Variants in VPS45 observed in about 807,000 individuals in gnomAD.
The protein encoded by VPS45 is vacuolar protein sorting 45 homolog.
VPS45 carries 35 observed loss-of-function variants against 75.9 expected under a neutral mutation model. The observed-to-expected ratio is 0.46, with a 90% CI of 0.35 to 0.61. The LOEUF (loss-of-function observed/expected upper bound fraction) is 0.61, where lower values mean the gene tolerates loss of function less well. VPS45 is among the 20% of genes least tolerant of loss of function. The pLI is 0.00. For synonymous variants in VPS45, 220 were observed against 238.2 expected (o/e 0.92, Z 0.70); for missense variants, 559 against 685.9 (o/e 0.81, Z 2.07).
rs587647825 is a variant in VPS45, at chr1:150,078,619, G to A, written c.687+840G>A. Among the ~76,000 whole-genome samples, 39 of 151,904 alleles carry A rather than the reference G, an allele frequency of 2.6e-4. No individual in the cohort carries two copies. The East Asian group carries it at 3.9e-3, about 15-fold the overall frequency. On this transcript the variant is annotated intron_variant, in intron 7 of 14. Coordinates refer to ENST00000644510, the MANE Select transcript of VPS45 (RefSeq NM_007259.5). ...TACTAAAACTACAAAAAAATTAGCC[G>A]GGTGTGGTTGCACACACCTGTAGTC... is the stretch of plus-strand genomic sequence containing the variant.
chr1:150,145,162 T>C lies in VPS45; in HGVS notation c.*366T>C, dbSNP rs782262151. ...CTCCTTGGCTTCCTTTCTCTTCCCT[T>C]AACCCTTTCTGCTTTTCATTAACCA... On this transcript the variant is annotated 3_prime_UTR_variant, in exon 15 of 15. Transcript: ENST00000644510. The C allele has an allele frequency of 4.5e-5, 19 of 424,474 alleles. 1 individual carries two copies. In the South Asian group the frequency reaches 8.5e-4, roughly 19 times the overall value. The allele number at this position is 424,474 out of a possible 1,614,324, so 26.3% of individuals were successfully genotyped here. A position where few individuals can be genotyped will look rare whatever the true frequency, so the allele number is the denominator to read the frequency against.
chr1:150,139,970 T>C (rs1398249652), intron 14 of VPS45, among the ~76,000 whole-genome samples: 2 of 152,158 alleles, frequency 1.3e-5, no homozygotes, highest in Non-Finnish European at 2.9e-5. Flanking sequence ...CTCAGCTCAC[T>C]GTAACCTCCG....
In VPS45 at chr1:150,110,582, G is replaced by A. The variant is rs1657594077; in HGVS notation, c.1580G>A (p.Gly527Glu). ...TVYNLNRTTPGVRIVLGGTTV... is the reference protein window; with the variant it reads ...TVYNLNRTTPEVRIVLGGTTV... ...TATAACCTGAACCGCACCACTCCTGGAGTGAGGATTGTCCTGGGAGGCACC... is the reference window on the plus strand; with the variant it reads ...TATAACCTGAACCGCACCACTCCTGAAGTGAGGATTGTCCTGGGAGGCACC... Residue 527 changes from glycine to glutamate, a missense_variant, in exon 14 of 15, where the codon GGA becomes GAA. By Grantham distance (98) the Gly-to-Glu change is moderately conservative (BLOSUM62 -2). Coordinates refer to ENST00000644510, the MANE Select transcript of VPS45 (RefSeq NM_007259.5). 4 of 1,613,674 alleles carry A rather than the reference G, an allele frequency of 2.5e-6. No homozygotes were observed. Among genetic ancestry groups the A allele is most frequent in the African/African-American group, 1.3e-5 (1 of 74,890 alleles).
intron 14 of VPS45, among the ~76,000 whole-genome samples, chr1:150,124,496 A>C (rs1479219034): frequency 6.6e-6 from 1 of 151,634 alleles, no homozygotes; most frequent in Non-Finnish European, 1.5e-5. Context: ...AAAATCATTC[A>C]TAATACCACA....
chr1:150,093,438 G>T, intron 12 of VPS45, 89 bp from the exon 13 acceptor site: 1 of 1,440,132 alleles, frequency 6.9e-7, no homozygotes, highest in African/African-American at 1.4e-5. Flanking sequence ...TCTCTATTGA[G>T]TGTATGTCCT....
intron 2 of VPS45, among the ~76,000 whole-genome samples, chr1:150,070,646 A>AAC (rs1553796862): frequency 1.6e-4 from 23 of 148,186 alleles, no homozygotes; most frequent in South Asian, 2.2e-4. Flanking sequence ...CAAAAAAAAA[A>AAC]AACAACAAAA....
At chr1:150,071,177 C>T (rs181475806) in intron 2 of VPS45, among the ~76,000 whole-genome samples, 9 of 152,030 alleles carry the variant, frequency 5.9e-5, no homozygotes, top group East Asian at 5.8e-4. Context: ...GTTTAGGGAA[C>T]AATTTATATT....
chr1:150,121,354 T>C (rs1387249376), intron 14 of VPS45, among the ~76,000 whole-genome samples: 1 of 152,188 alleles, frequency 6.6e-6, no homozygotes, highest in African/African-American at 2.4e-5. Context: ...TGTTGTGCTT[T>C]TTTGAAGGCA....
At chr1:150,092,655 A>T in intron 12 of VPS45, 1 of 272,622 alleles carries the variant, frequency 3.7e-6, no homozygotes, top group Non-Finnish European at 6.8e-6. Context: ...CCAGGAAATA[A>T]GAAGAAAAAG....
At chr1:150,121,294 C>G (rs1324326696) in intron 14 of VPS45, among the ~76,000 whole-genome samples, 3 of 152,178 alleles carry the variant, frequency 2.0e-5, no homozygotes, top group Middle Eastern at 3.4e-3. Flanking sequence ...ATGAAATACA[C>G]AGAAATAAAA....
At chr1:150,099,255 G>C (rs1042733669) in intron 13 of VPS45, among the ~76,000 whole-genome samples, 1 of 152,070 alleles carries the variant, frequency 6.6e-6, no homozygotes. Flanking sequence ...CCAGCACTTT[G>C]GGAGGCTGAG....
Position 150,140,831 on chromosome 1 carries a change from G to T in VPS45, c.1626-3878G>T, listed in dbSNP as rs1659357279. Reference sequence around the variant, plus strand: ...ATACAGACAAATAAATTACAACACAGTATATTTACAAGATATGGAAGAATG... The same window carrying T: ...ATACAGACAAATAAATTACAACACATTATATTTACAAGATATGGAAGAATG... On this transcript the variant is annotated intron_variant, in intron 14 of 14. Transcript: ENST00000644510. Among the ~76,000 whole-genome samples the T allele has an allele frequency of 2.6e-5, 4 of 152,190 alleles. No homozygotes were observed. The South Asian group carries it at 8.3e-4, about 32-fold the overall frequency.
At chr1:150,143,163 T>A (rs1164660743) in intron 14 of VPS45, among the ~76,000 whole-genome samples, 3 of 152,150 alleles carry the variant, frequency 2.0e-5, no homozygotes, top group Non-Finnish European at 4.4e-5. Context: ...GTAATAACAG[T>A]AATTAGTTCA....
intron 2 of VPS45, 73 bp from the exon 3 acceptor site, chr1:150,072,093 T>A (rs1459681620): frequency 5.3e-6 from 7 of 1,317,472 alleles, no homozygotes; most frequent in Middle Eastern, 2.2e-4. Context: ...AACAAATCAA[T>A]GGGTGAATGC....
At chr1:150,106,733 T>C (rs1657346804) in intron 13 of VPS45, among the ~76,000 whole-genome samples, 1 of 152,242 alleles carries the variant, frequency 6.6e-6, no homozygotes, top group African/African-American at 2.4e-5. Context: ...TTTTGTTAAA[T>C]AATAAATTTA....
At chr1:150,119,472 T>C (rs1193461694) in intron 14 of VPS45, among the ~76,000 whole-genome samples, 3 of 152,138 alleles carry the variant, frequency 2.0e-5, no homozygotes, top group Non-Finnish European at 2.9e-5. Context: ...AAAGAATTAG[T>C]GACAAAAATG....
At chr1:150,111,458 T>C (rs1043781323) in intron 14 of VPS45, among the ~76,000 whole-genome samples, 1 of 152,212 alleles carries the variant, frequency 6.6e-6, no homozygotes, top group Non-Finnish European at 1.5e-5. Flanking sequence ...GGCTTGGGAA[T>C]TTCTACTTTT....
In VPS45 at chr1:150,077,336, G is replaced by A. The variant is rs587674158; in HGVS notation, c.576+105G>A. ...TTTATTTACAACCAAGGAGATGATT[G>A]TATGTTAGGTTTCCGCGAAAAGAGG... On this transcript the variant is annotated intron_variant, in intron 6 of 14. Transcript: ENST00000644510. 25 of 1,396,560 alleles carry A rather than the reference G, an allele frequency of 1.8e-5. No individual in the cohort carries two copies. The African/African-American group carries it at 3.3e-4, about 19-fold the overall frequency. The allele number at this position is 1,396,560 out of a possible 1,614,324, so 86.5% of individuals were successfully genotyped here. A position where few individuals can be genotyped will look rare whatever the true frequency, so the allele number is the denominator to read the frequency against.
intron 2 of VPS45, 34 bp from the exon 3 acceptor site, chr1:150,072,132 C>G: frequency 6.3e-7 from 1 of 1,582,702 alleles, no homozygotes; most frequent in Non-Finnish European, 8.6e-7. Context: ...AGCAACTCTC[C>G]TCATATTTTG....
Sources: allele counts gnomAD v4.1 joint callset (sites outside exome capture counted in the v4.1 genomes callset), GRCh38; gene constraint gnomAD v4.1.1; transcripts MANE v1.5; gene names NCBI Gene and HGNC (gene_info 2026-07-23, HGNC 2026-07-21).